Variants in ZBTB7C observed in about 807,000 individuals in gnomAD.
ZBTB7C encodes zinc finger and BTB domain containing 7C.
Under a neutral mutation model 25.7 loss-of-function variants are expected in ZBTB7C, and 8 were observed. The ratio of observed to expected loss-of-function variants is 0.31; its 90% CI spans 0.18 to 0.56. The LOEUF (loss-of-function observed/expected upper bound fraction) is 0.56. ZBTB7C is among the 20% of genes least tolerant of loss of function. The probability of loss-of-function intolerance (pLI) is 0.91; values close to 1 mark genes in which losing one functional copy is unlikely to be tolerated. For synonymous variants in ZBTB7C, 394 were observed against 369.0 expected (o/e 1.07, Z -0.78); for missense variants, 824 against 855.2 (o/e 0.96, Z 0.46).
At chr18:48,039,471 C>T (rs2036119647) in intron 4 of ZBTB7C, among the ~76,000 whole-genome samples, 1 of 152,214 alleles carries the variant, frequency 6.6e-6, no homozygotes, top group Admixed American at 6.5e-5. Flanking sequence ...CGGCCCCTGG[C>T]ATGCAGAATA....
At chr18:48,050,241 A>T (rs1420029101) in intron 3 of ZBTB7C, among the ~76,000 whole-genome samples, 1 of 152,034 alleles carries the variant, frequency 6.6e-6, no homozygotes, top group Non-Finnish European at 1.5e-5. Flanking sequence ...TGCTGGGCAC[A>T]CCCACCCAGC....
At chr18:48,213,951 T>C (rs1219814121) in intron 2 of ZBTB7C, among the ~76,000 whole-genome samples, 1 of 152,170 alleles carries the variant, frequency 6.6e-6, no homozygotes, top group African/African-American at 2.4e-5. Flanking sequence ...GTGTGGCAAA[T>C]GCAGGGTGAG....
chr18:48,335,901 G>T (rs1048297286), intron 2 of ZBTB7C, among the ~76,000 whole-genome samples: 1 of 152,064 alleles, frequency 6.6e-6, no homozygotes, highest in African/African-American at 2.4e-5. Context: ...TTTAAATGCT[G>T]CTACTACCAC....
chr18:48,391,323 G>C (rs2047898938), intron 1 of ZBTB7C, among the ~76,000 whole-genome samples: 2 of 152,158 alleles, frequency 1.3e-5, no homozygotes, highest in African/African-American at 4.8e-5. Flanking sequence ...AGTTGTCAAT[G>C]TTACTCTGAT....
intron 3 of ZBTB7C, among the ~76,000 whole-genome samples, chr18:48,130,268 T>C (rs1308421604): frequency 1.3e-5 from 2 of 152,216 alleles, no homozygotes; most frequent in East Asian, 1.9e-4. Flanking sequence ...CAGGAGGTAT[T>C]TGGGAAAAGT....
At chr18:48,340,466 G>A (rs528344325) in intron 1 of ZBTB7C, among the ~76,000 whole-genome samples, 2 of 152,328 alleles carry the variant, frequency 1.3e-5, no homozygotes, top group South Asian at 4.1e-4. Flanking sequence ...GTCCCAGGCT[G>A]TCCATGGATC....
chr18:48,057,521 C>CATTACAAACCAG (rs2036965029), intron 3 of ZBTB7C, among the ~76,000 whole-genome samples: 1 of 152,152 alleles, frequency 6.6e-6, no homozygotes, highest in Non-Finnish European at 1.5e-5. Context: ...TTTGTAGATG[C>CATTACAAACCAG]ATGAATTAAA....
intron 2 of ZBTB7C, among the ~76,000 whole-genome samples, chr18:48,245,092 G>GTGTATATATATATATATA (rs1555723392): frequency 2.6e-4 from 33 of 126,316 alleles, no homozygotes; most frequent in East Asian, 6.5e-4. Context: ...GTGTGTGTGT[G>GTGTATATATATATATATA]TATATATATA....
At chr18:48,177,372 C>T (rs1056951825) in intron 3 of ZBTB7C, among the ~76,000 whole-genome samples, 1 of 152,202 alleles carries the variant, frequency 6.6e-6, no homozygotes, top group Non-Finnish European at 1.5e-5. Flanking sequence ...CCTGTGACAC[C>T]TTGCTAGAAC....
intron 2 of ZBTB7C, among the ~76,000 whole-genome samples, chr18:48,229,633 T>A (rs2043196687): frequency 6.6e-6 from 1 of 152,262 alleles, no homozygotes; most frequent in African/African-American, 2.4e-5. Flanking sequence ...TTAATGCCTT[T>A]GGCTTGGCAT....
chr18:48,210,043 C>T (rs1051753995), intron 2 of ZBTB7C, among the ~76,000 whole-genome samples: 21 of 152,100 alleles, frequency 1.4e-4, no homozygotes, highest in African/African-American at 5.1e-4. Context: ...AGAAGATATG[C>T]AAATGGCCGG....
chr18:48,398,556 G>A (rs1019224032), intron 1 of ZBTB7C, among the ~76,000 whole-genome samples: 3 of 152,130 alleles, frequency 2.0e-5, no homozygotes, highest in Admixed American at 1.3e-4. Context: ...GACCTCTGTG[G>A]CTTCTCTTTG....
At chr18:48,108,501 T>C (rs2039116671) in intron 3 of ZBTB7C, among the ~76,000 whole-genome samples, 1 of 152,170 alleles carries the variant, frequency 6.6e-6, no homozygotes, top group South Asian at 2.1e-4. Context: ...GGCACAATCG[T>C]AGCTCACTGC....
chr18:48,245,092 G>GTGTATATA (rs1555723392), intron 2 of ZBTB7C, among the ~76,000 whole-genome samples: 1 of 126,294 alleles, frequency 7.9e-6, no homozygotes, highest in African/African-American at 3.2e-5. Context: ...GTGTGTGTGT[G>GTGTATATA]TATATATATA....
intron 1 of ZBTB7C, among the ~76,000 whole-genome samples, chr18:48,359,258 G>A (rs1469355470): frequency 2.6e-5 from 4 of 152,082 alleles, no homozygotes; most frequent in Non-Finnish European, 4.4e-5. Flanking sequence ...CATCCCCCAT[G>A]AGAAGGAGAA....
chr18:48,133,335 G>GCCTT (rs2040045170), intron 3 of ZBTB7C, among the ~76,000 whole-genome samples: 1 of 152,228 alleles, frequency 6.6e-6, no homozygotes, highest in South Asian at 2.1e-4. Flanking sequence ...GATGGAGGGG[G>GCCTT]CCTTCCAAAT....
At position 48,134,330 on chromosome 18, in the gene ZBTB7C, A is replaced by C. The variant is rs564539979; in HGVS notation, c.-17+51604T>G. Among the ~76,000 whole-genome samples, 10 of 152,312 alleles carry C rather than the reference A, an allele frequency of 6.6e-5. No individual in the cohort carries two copies. The South Asian group carries it at 1.0e-3, about 16-fold the overall frequency. On this transcript the variant is annotated intron_variant, in intron 3 of 4. Transcript: ENST00000590800. ...AGAGTTAACAGGCCAAACGCCCCAG[A>C]TTATTTATGGCTGCTCTGTCTCAAA...
intron 3 of ZBTB7C, chr18:48,087,585 G>T (rs1319468382): frequency 6.6e-6 from 1 of 151,956 alleles, no homozygotes; most frequent in Non-Finnish European, 1.5e-5. Flanking sequence ...AGGAGTTTAA[G>T]ACCAACCGGT....
intron 1 of ZBTB7C, among the ~76,000 whole-genome samples, chr18:48,361,526 A>T (rs974351330): frequency 6.6e-6 from 1 of 152,180 alleles, no homozygotes. Flanking sequence ...AAAACATATC[A>T]TGGCATCTAA....
Sources: allele counts gnomAD v4.1 joint callset (sites outside exome capture counted in the v4.1 genomes callset), GRCh38; gene constraint gnomAD v4.1.1; transcripts MANE v1.5; gene names NCBI Gene and HGNC (gene_info 2026-07-23, HGNC 2026-07-21).